The following DOCK4 variants were observed in gnomAD, a reference collection of about 807,000 sequenced individuals.
The protein encoded by DOCK4 is dedicator of cytokinesis 4, also known as dedicator of cytokinesis protein 4.
DOCK4 carries 97 observed loss-of-function variants against 268.1 expected under a neutral mutation model. That is an observed-to-expected ratio of 0.36 (90% CI 0.31 to 0.43). The LOEUF (loss-of-function observed/expected upper bound fraction) is 0.43. DOCK4 is among the 20% of genes least tolerant of loss of function. The pLI is 1.00. For synonymous variants in DOCK4, 954 were observed against 887.2 expected, an observed-to-expected ratio of 1.08 and a Z score of -1.34; for missense variants, 2,145 against 2,455.7, an observed-to-expected ratio of 0.87 and a Z score of 2.67.
chr7:111,838,385 C>T (rs1803404338), intron 25 of DOCK4, among the ~76,000 whole-genome samples: 1 of 152,064 alleles, frequency 6.6e-6, no homozygotes, highest in East Asian at 1.9e-4. Context: ...AACACAATAG[C>T]CAAACCCAGG....
At chr7:112,076,131 A>G (rs1382369236) in intron 1 of DOCK4, among the ~76,000 whole-genome samples, 8 of 152,182 alleles carry the variant, frequency 5.3e-5, no homozygotes, top group Admixed American at 5.2e-4. Flanking sequence ...TTTCTTTATA[A>G]AATACTACAG....
intron 1 of DOCK4, among the ~76,000 whole-genome samples, chr7:112,091,791 T>C (rs1323310006): frequency 1.3e-5 from 2 of 152,108 alleles, no homozygotes; most frequent in Non-Finnish European, 2.9e-5. Flanking sequence ...TGAACGAGAA[T>C]CCACAACTTA....
chr7:112,035,995 G>C (rs150576492), intron 1 of DOCK4, among the ~76,000 whole-genome samples: 16 of 152,142 alleles, frequency 1.1e-4, no homozygotes, highest in African/African-American at 3.9e-4. Context: ...TAAAAAGGAA[G>C]TTATCTACTA....
intron 1 of DOCK4, among the ~76,000 whole-genome samples, chr7:112,076,684 A>C (rs1360839852): frequency 1.3e-5 from 2 of 152,174 alleles, no homozygotes; most frequent in African/African-American, 4.8e-5. Flanking sequence ...ATTCCATATA[A>C]AGTGTGTTCA....
At chr7:112,123,679 C>T (rs985463466) in intron 1 of DOCK4, among the ~76,000 whole-genome samples, 2 of 152,172 alleles carry the variant, frequency 1.3e-5, no homozygotes, top group Admixed American at 1.3e-4. Flanking sequence ...TACTACCAAC[C>T]CGTGTAATAC....
Position 112,200,734 on chromosome 7 carries a change from A to C in DOCK4, c.37+5368T>G, listed in dbSNP as rs866084149. 4.2e-5 allele frequency among the ~76,000 whole-genome samples: 5 copies of C among 117,764 alleles called. No homozygotes were observed. In the East Asian group the frequency reaches 1.1e-3, roughly 25 times the overall value. 77.3% of individuals were successfully genotyped at this position (117,764 alleles called of 152,430 possible). ...ATAACAGCCTCTAAAATAAAAAAAA[A>C]AAAACAAAAAAAAACAAGATCATAG... On this transcript the variant is annotated intron_variant, in intron 1 of 52. Coordinates refer to ENST00000428084, the MANE Select transcript of DOCK4 (RefSeq NM_001363540.2).
chr7:112,062,759 A>T (rs1806542488), intron 1 of DOCK4, among the ~76,000 whole-genome samples: 1 of 152,180 alleles, frequency 6.6e-6, no homozygotes. Flanking sequence ...GGCTCACTGC[A>T]ACCTCCACCT....
At chr7:112,044,051 T>C (rs1476397843) in intron 1 of DOCK4, among the ~76,000 whole-genome samples, 2 of 152,188 alleles carry the variant, frequency 1.3e-5, no homozygotes, top group Admixed American at 6.5e-5. Flanking sequence ...CCAAGTACTC[T>C]GTGAGGTACA....
intron 44 of DOCK4, among the ~76,000 whole-genome samples, chr7:111,745,805 T>C (rs1398296956): frequency 6.8e-6 from 1 of 147,146 alleles, no homozygotes; most frequent in East Asian, 2.1e-4. Context: ...AGGTTGAACA[T>C]CCCTAATACA....
chr7:111,741,930 C>A, intron 45 of DOCK4, 83 bp downstream of exon 45: 1 of 1,478,354 alleles, frequency 6.8e-7, no homozygotes, highest in Non-Finnish European at 9.0e-7. Flanking sequence ...CACAAGATGT[C>A]ACTATTGGAT....
chr7:112,043,306 T>C (rs1385615278), intron 1 of DOCK4, among the ~76,000 whole-genome samples: 1 of 152,152 alleles, frequency 6.6e-6, no homozygotes, highest in Non-Finnish European at 1.5e-5. Context: ...ACTCATAAAT[T>C]ATAATATTCA....
At chr7:112,118,475 A>G (rs1586858373) in intron 1 of DOCK4, among the ~76,000 whole-genome samples, 1 of 152,198 alleles carries the variant, frequency 6.6e-6, no homozygotes, top group African/African-American at 2.4e-5. Context: ...CTACCCAAAG[A>G]TACTACACCA....
intron 39 of DOCK4, among the ~76,000 whole-genome samples, chr7:111,763,383 G>A (rs1797574537): frequency 1.3e-5 from 2 of 152,232 alleles, no homozygotes; most frequent in South Asian, 4.1e-4. Context: ...CCAACAGAGG[G>A]GGACCCTTCT....
Position 112,104,036 on chromosome 7 carries a change from C to T in DOCK4, c.38-99905G>A, listed in dbSNP as rs1810922457. On this transcript the variant is annotated intron_variant, in intron 1 of 52. Transcript: ENST00000428084. ...TAACTTCTGGGGGACCACCTAGCAG[C>T]CAGAGCTTTATTCCAACAGGGATAG... Among the ~76,000 whole-genome samples the T allele has an allele frequency of 2.6e-5, 4 of 152,324 alleles. 1 individual carries two copies. The South Asian group carries it at 8.3e-4, about 32-fold the overall frequency.
intron 41 of DOCK4, among the ~76,000 whole-genome samples, chr7:111,757,328 G>T (rs1797091125): frequency 6.6e-6 from 1 of 152,092 alleles, no homozygotes; most frequent in South Asian, 2.1e-4. Context: ...AATGGAGAAG[G>T]AGGCAGAAAA....
At chr7:112,149,779 G>A (rs999179285) in intron 1 of DOCK4, among the ~76,000 whole-genome samples, 13 of 152,200 alleles carry the variant, frequency 8.5e-5, no homozygotes, top group Non-Finnish European at 1.9e-4. Context: ...TGAGCTTCCA[G>A]GCCAAAGCAC....
chr7:111,932,471 G>C (rs1391169525), intron 12 of DOCK4, among the ~76,000 whole-genome samples: 1 of 152,104 alleles, frequency 6.6e-6, no homozygotes, highest in Admixed American at 6.5e-5. Context: ...AAAGAAAGGA[G>C]CAGGGCATAA....
At chr7:111,759,531 T>A (rs1320723619) in intron 40 of DOCK4, among the ~76,000 whole-genome samples, 9 of 152,300 alleles carry the variant, frequency 5.9e-5, no homozygotes, top group African/African-American at 2.4e-5. Context: ...TAATTGTCAG[T>A]GGAAGTTTTA....
chr7:111,924,111 C>T (rs923621579), intron 12 of DOCK4, among the ~76,000 whole-genome samples: 23 of 152,002 alleles, frequency 1.5e-4, no homozygotes, highest in Non-Finnish European at 2.5e-4. Context: ...ATGATGTTTT[C>T]TTTTTCATTA....
Sources: allele counts gnomAD v4.1 joint callset (sites outside exome capture counted in the v4.1 genomes callset), GRCh38; gene constraint gnomAD v4.1.1; transcripts MANE v1.5; gene names NCBI Gene and HGNC (gene_info 2026-07-23, HGNC 2026-07-21).